Variants in N4BP2L2 observed in about 807,000 individuals in gnomAD.
The protein encoded by N4BP2L2 is NEDD4-binding protein 2-like 2.
Under a neutral mutation model 56.2 loss-of-function variants are expected in N4BP2L2, and 50 were observed. That is an observed-to-expected ratio of 0.89 (90% CI 0.71 to 1.13). The LOEUF (loss-of-function observed/expected upper bound fraction) is 1.13, where lower values mean the gene tolerates loss of function less well. Ranked by LOEUF, N4BP2L2 falls within the 50% of genes most tolerant of loss-of-function variation. The probability of loss-of-function intolerance (pLI) is 0.00; values close to 1 mark genes in which losing one functional copy is unlikely to be tolerated. For missense variants in N4BP2L2, 689 were observed against 693.8 expected (o/e 0.99, Z 0.08); for synonymous variants, 203 against 223.6 (o/e 0.91, Z 0.82).
At chr13:32,498,814 G>A (rs577077474) in intron 6 of N4BP2L2, among the ~76,000 whole-genome samples, 1 of 149,902 alleles carries the variant, frequency 6.7e-6, no homozygotes, top group South Asian at 2.1e-4. Flanking sequence ...ATCAGCCTGG[G>A]CAACATGGTG....
At chr13:32,529,047 AGTT>A (rs2053894366) in intron 2 of N4BP2L2, among the ~76,000 whole-genome samples, 1 of 152,202 alleles carries the variant, frequency 6.6e-6, no homozygotes. Context: ...TTATGTAAAT[AGTT>A]GTTATACTGT....
chr13:32,489,135 A>G (rs1355520713), intron 6 of N4BP2L2, among the ~76,000 whole-genome samples: 1 of 152,244 alleles, frequency 6.6e-6, no homozygotes, highest in East Asian at 1.9e-4. Context: ...ATTCAGTCCT[A>G]GCTAACAAGG....
chr13:32,536,764 AC>A lies in N4BP2L2; in HGVS notation c.263del (p.Gly88ValfsTer22). The A allele has an allele frequency of 1.2e-6, 2 of 1,614,170 alleles. No homozygotes were observed. Among genetic ancestry groups the A allele is most frequent in the Non-Finnish European group, 1.7e-6 (2 of 1,180,012 alleles). On this transcript the variant is annotated frameshift_variant, in exon 2 of 6. Coordinates refer to ENST00000267068, the Ensembl canonical transcript of N4BP2L2. LOFTEE classifies it high-confidence loss of function. ...TGGATTCAATAACATCTGGTCTATTACCAGGCATCTCATCATGCAAAGGTCT... is the reference window on the plus strand; with the variant it reads ...TGGATTCAATAACATCTGGTCTATTACAGGCATCTCATCATGCAAAGGTCT...
In N4BP2L2 at chr13:32,442,928, CT is replaced by C. The variant is rs1229372234; in HGVS notation, c.1563del (p.Glu522LysfsTer13). The C allele has an allele frequency of 6.2e-7, 1 of 1,612,806 alleles. No individual in the cohort carries two copies. Among genetic ancestry groups the C allele is most frequent in the Admixed American group, 1.7e-5 (1 of 59,812 alleles). ...TTATTCTCCTCTTCACTGTTCCTTTCTGAAATTCTATCTTTTTCTTCTCCCA... is the reference window on the plus strand; with the variant it reads ...TTATTCTCCTCTTCACTGTTCCTTTCGAAATTCTATCTTTTTCTTCTCCCA... On this transcript the variant is annotated frameshift_variant, in exon 7 of 10. Coordinates refer to the N4BP2L2 transcript ENST00000357505. LOFTEE classifies it high-confidence loss of function.
exon 6 of N4BP2L2, chr13:32,517,401 G>GGTCGC: frequency 1.0e-6 from 1 of 994,898 alleles, no homozygotes; most frequent in Non-Finnish European, 1.2e-6. Flanking sequence ...AGTATTTCTT[G>GGTCGC]CATATTTAAG....
At chr13:32,517,167 G>A (rs2049421325) in exon 6 of N4BP2L2, 4 of 985,198 alleles carry the variant, frequency 4.1e-6, no homozygotes, top group Non-Finnish European at 2.4e-6. Context: ...TTGAGAAGGA[G>A]GATGATAACT....
chr13:32,438,754 G>T, intron 7 of N4BP2L2: 4 of 1,568,364 alleles, frequency 2.6e-6, no homozygotes, highest in Non-Finnish European at 3.5e-6. Flanking sequence ...AAGAAAGAAA[G>T]ACCTAATCTC....
chr13:32,529,754 C>T (rs1044540142), intron 2 of N4BP2L2, among the ~76,000 whole-genome samples: 68 of 149,836 alleles, frequency 4.5e-4, no homozygotes, highest in African/African-American at 1.5e-3. Context: ...AGACAAGAGT[C>T]CGACTCTATT....
intron 6 of N4BP2L2, among the ~76,000 whole-genome samples, chr13:32,459,036 A>G (rs1358349221): frequency 6.6e-6 from 1 of 152,218 alleles, no homozygotes; most frequent in African/African-American, 2.4e-5. Context: ...ATGCTCCTCA[A>G]CAACCTTTGG....
At chr13:32,443,624 T>C in exon 7 of N4BP2L2, 12 of 1,611,662 alleles carry the variant, frequency 7.4e-6, no homozygotes, top group Non-Finnish European at 1.0e-5. Flanking sequence ...TCTAATGCTA[T>C]GGTATGCCTA....
chr13:32,438,564 A>G (rs2075788226), intron 8 of N4BP2L2: 2 of 1,043,792 alleles, frequency 1.9e-6, no homozygotes, highest in South Asian at 3.1e-5. Context: ...ACGCCATTGC[A>G]CTCCAGCCTG....
At chr13:32,437,388 C>T (rs1212992223) in intron 8 of N4BP2L2, among the ~76,000 whole-genome samples, 1 of 152,206 alleles carries the variant, frequency 6.6e-6, no homozygotes, top group Non-Finnish European at 1.5e-5. Context: ...CTGTCCTGAA[C>T]TATTAGTTCT....
chr13:32,511,587 G>T (rs1475890992), exon 6 of N4BP2L2: 1 of 152,056 alleles, frequency 6.6e-6, no homozygotes, highest in Non-Finnish European at 1.5e-5. Context: ...AACCCACAGG[G>T]TCAGGAAACT....
intron 2 of N4BP2L2, among the ~76,000 whole-genome samples, chr13:32,530,810 G>A (rs1014926342): frequency 1.3e-5 from 2 of 150,682 alleles, no homozygotes; most frequent in African/African-American, 4.9e-5. Context: ...CTCTTATCCT[G>A]CAGTATGCTT....
chr13:32,462,022 A>AT (rs1481164226), intron 6 of N4BP2L2, among the ~76,000 whole-genome samples: 2 of 152,208 alleles, frequency 1.3e-5, no homozygotes, highest in Admixed American at 1.3e-4. Context: ...CCATTATTGA[A>AT]AACCGTATAA....
At chr13:32,449,804 T>C (rs1023122048) in intron 6 of N4BP2L2, among the ~76,000 whole-genome samples, 1 of 152,220 alleles carries the variant, frequency 6.6e-6, no homozygotes, top group Non-Finnish European at 1.5e-5. Context: ...AATGTGGCAA[T>C]GTGATACTTA....
At chr13:32,477,556 G>T (rs1421642134) in intron 6 of N4BP2L2, 1 of 263,428 alleles carries the variant, frequency 3.8e-6, no homozygotes, top group Non-Finnish European at 7.6e-6. Context: ...TACAGACATA[G>T]TCCTGATGTC....
At chr13:32,520,320 C>T (rs115471272) in intron 5 of N4BP2L2, among the ~76,000 whole-genome samples, 2,013 of 147,854 alleles carry the variant, frequency 0.014, 37 homozygotes, top group African/African-American at 0.047. Context: ...TACCTAAAAA[C>T]GGGTGGGAAG....
intron 3 of N4BP2L2, among the ~76,000 whole-genome samples, chr13:32,526,340 A>C (rs943896452): frequency 6.6e-6 from 1 of 152,212 alleles, no homozygotes; most frequent in Non-Finnish European, 1.5e-5. Flanking sequence ...ACAACAGAGG[A>C]GATTCAATTA....
Sources: gnomAD v4.1 joint callset for allele counts (sites outside exome capture counted in the v4.1 genomes callset) on GRCh38, gnomAD v4.1.1 for gene constraint, MANE v1.5 for transcripts, NCBI Gene and HGNC (gene_info 2026-07-23, HGNC 2026-07-21) for gene names.